Variants in GALC observed in about 807,000 individuals in gnomAD.
GALC encodes the protein galactocerebrosidase.
A neutral mutation model predicts 91.8 loss-of-function variants in GALC; 77 were observed. That is an observed-to-expected ratio of 0.84 (90% CI 0.70 to 1.01). GALC has a LOEUF of 1.01. Among genes scored for constraint, GALC ranks in the 50% least tolerant of loss-of-function variants. The probability of loss-of-function intolerance (pLI) is 0.00; values close to 1 mark genes in which losing one functional copy is unlikely to be tolerated. For synonymous variants in GALC, 357 were observed against 306.7 expected (o/e 1.16, Z -1.71); for missense variants, 882 against 855.9 (o/e 1.03, Z -0.38).
chr14:87,944,389 C>A (rs1198244235), intron 14 of GALC, among the ~76,000 whole-genome samples: 2 of 151,850 alleles, frequency 1.3e-5, no homozygotes, highest in Non-Finnish European at 2.9e-5. Flanking sequence ...AACTGGAGAT[C>A]AAAACAATGG....
At chr14:87,957,767 C>T (rs1885620301) in intron 10 of GALC, among the ~76,000 whole-genome samples, 2 of 151,954 alleles carry the variant, frequency 1.3e-5, no homozygotes, top group Non-Finnish European at 2.9e-5. Context: ...TTTAGAATAG[C>T]TACAAAAATA....
At chr14:87,936,305 T>C (rs1884564282) in intron 16 of GALC, among the ~76,000 whole-genome samples, 1 of 152,094 alleles carries the variant, frequency 6.6e-6, no homozygotes, top group Non-Finnish European at 1.5e-5. Context: ...TTTATAAACT[T>C]ATTTACAAGT....
At chr14:87,942,918 C>G (rs1432783368) in intron 14 of GALC, among the ~76,000 whole-genome samples, 1 of 151,968 alleles carries the variant, frequency 6.6e-6, no homozygotes, top group East Asian at 1.9e-4. Flanking sequence ...AGCATGAAAC[C>G]ACTGGCAATC....
intron 9 of GALC, among the ~76,000 whole-genome samples, chr14:87,964,615 CTAAT>C (rs1466772434): frequency 6.6e-6 from 1 of 152,046 alleles, no homozygotes; most frequent in Non-Finnish European, 1.5e-5. Flanking sequence ...TCCCTTGTGA[CTAAT>C]GAATGATACT....
chr14:87,978,412 G>A (rs1344362368), intron 6 of GALC, among the ~76,000 whole-genome samples: 2 of 152,122 alleles, frequency 1.3e-5, no homozygotes, highest in Non-Finnish European at 2.9e-5. Context: ...CACTACGGAT[G>A]GATCTAGTCT....
At chr14:87,982,312 C>T (rs893557942) in intron 5 of GALC, 69 bp from the exon 6 acceptor site, 24 of 1,010,208 alleles carry the variant, frequency 2.4e-5, no homozygotes, top group African/African-American at 9.5e-5. Flanking sequence ...ATTATCGTTA[C>T]GATACCATTT....
At chr14:87,952,810 T>A (rs1031353809) in intron 10 of GALC, 2 of 1,469,828 alleles carry the variant, frequency 1.4e-6, no homozygotes, top group Admixed American at 3.4e-5. Flanking sequence ...TCCCAGAAGA[T>A]TCACTCCTCT....
In GALC at chr14:87,937,038, T is replaced by C. The variant is rs564658263; in HGVS notation, c.1912-2160A>G. Among the ~76,000 whole-genome samples the C allele has an allele frequency of 1.2e-3, 179 of 151,626 alleles. 1 individual carries two copies. Among genetic ancestry groups the C allele is most frequent in the Non-Finnish European group, 2.3e-3 (154 of 67,868 alleles). On this transcript the variant is annotated intron_variant, in intron 16 of 16. Coordinates refer to ENST00000261304, the MANE Select transcript of GALC (RefSeq NM_000153.4). Reference sequence around the variant, plus strand: ...ATATAGTAGACTTCAAAGTCCATTGTGCTACCCACCATGCAACAGAACTGG... The same window carrying C: ...ATATAGTAGACTTCAAAGTCCATTGCGCTACCCACCATGCAACAGAACTGG...
At chr14:87,980,623 A>G (rs778218577) in intron 6 of GALC, 19 of 337,194 alleles carry the variant, frequency 5.6e-5, no homozygotes, top group Non-Finnish European at 7.5e-5. Flanking sequence ...GACTTCCCTA[A>G]TCAACCCAGG....
chr14:87,985,863 A>T (rs778788421), intron 4 of GALC, among the ~76,000 whole-genome samples: 2 of 152,200 alleles, frequency 1.3e-5, no homozygotes, highest in African/African-American at 2.4e-5. Context: ...CAACTAGCCA[A>T]TGATCCTCCC....
At chr14:87,956,083 G>C (rs2139975976) in intron 10 of GALC, among the ~76,000 whole-genome samples, 1 of 152,048 alleles carries the variant, frequency 6.6e-6, no homozygotes, top group East Asian at 1.9e-4. Context: ...TCAGTCTTTG[G>C]AACAATTTAA....
At position 87,941,242 on chromosome 14, in the gene GALC, A is replaced by G. The variant is rs77001562; in HGVS notation, c.1834+153T>C. 3.6e-4 allele frequency among the ~76,000 whole-genome samples: 54 copies of G among 152,112 alleles called. No individual in the cohort carries two copies. In the East Asian group the frequency reaches 9.7e-3, roughly 27 times the overall value. On this transcript the variant is annotated intron_variant, in intron 15 of 16. Coordinates refer to ENST00000261304, the MANE Select transcript of GALC (RefSeq NM_000153.4). The stretch of plus-strand genomic sequence containing the variant: ...GAATTAAATAACTTTCTATAATTGT[A>G]AACTATTTGGTATTTGCTTACATCC...
chr14:87,980,425 T>A (rs1041854715), intron 6 of GALC: 1 of 737,632 alleles, frequency 1.4e-6, no homozygotes, highest in African/African-American at 1.9e-5. Flanking sequence ...ATTAGCTTAC[T>A]GATGGGGGTC....
chr14:87,952,269 C>T (rs78140438), intron 10 of GALC, among the ~76,000 whole-genome samples: 17,173 of 151,808 alleles, frequency 0.11, 1,153 homozygotes, highest in Non-Finnish European at 0.16. Context: ...AAAACATACA[C>T]TTCAACAATA....
Position 87,974,797 on chromosome 14 carries a change from A to G in GALC, c.752+1561T>C, listed in dbSNP as rs1886429149. Reference sequence around the variant, plus strand: ...TTTGGTATTAAATGGCCACAGTGCAATAAAATTAGAAATTAATGATAAAAC... The same window carrying G: ...TTTGGTATTAAATGGCCACAGTGCAGTAAAATTAGAAATTAATGATAAAAC... On this transcript the variant is annotated intron_variant, in intron 7 of 16. Coordinates refer to ENST00000261304, the MANE Select transcript of GALC (RefSeq NM_000153.4). 2.0e-5 allele frequency among the ~76,000 whole-genome samples: 3 copies of G among 152,178 alleles called. No individual in the cohort carries two copies. The South Asian group carries it at 6.2e-4, about 32-fold the overall frequency.
chr14:87,953,146 A>G, intron 10 of GALC: 1 of 1,471,646 alleles, frequency 6.8e-7, no homozygotes, highest in Non-Finnish European at 9.5e-7. Flanking sequence ...ACAGTAGATA[A>G]GCCAAGGTCT....
In GALC at chr14:87,961,851, G is replaced by A. The variant is rs957475783; in HGVS notation, c.1161+1533C>T. ...GGATCTCTGCCTGAAGTACCCGATC[G>A]AGAGAAGACAATTAAACAAACAAAC... On this transcript the variant is annotated intron_variant, in intron 10 of 16. Transcript: ENST00000261304. Among the ~76,000 whole-genome samples the A allele has an allele frequency of 3.1e-4, 47 of 152,128 alleles. 1 individual carries two copies. Among genetic ancestry groups the A allele is most frequent in the East Asian group, 1.9e-4 (1 of 5,182 alleles).
At chr14:87,991,945 G>C (rs1887218020) in intron 1 of GALC, among the ~76,000 whole-genome samples, 1 of 152,194 alleles carries the variant, frequency 6.6e-6, no homozygotes, top group Non-Finnish European at 1.5e-5. Context: ...ACATAAAAAG[G>C]AGAATAGTAG....
intron 6 of GALC, among the ~76,000 whole-genome samples, chr14:87,977,593 G>A (rs917889613): frequency 6.6e-6 from 1 of 152,168 alleles, no homozygotes; most frequent in African/African-American, 2.4e-5. Context: ...CTTGATGAAT[G>A]GATACAAATA....
Sources: allele counts gnomAD v4.1 joint callset (sites outside exome capture counted in the v4.1 genomes callset), GRCh38; gene constraint gnomAD v4.1.1; transcripts MANE v1.5; gene names NCBI Gene and HGNC (gene_info 2026-07-23, HGNC 2026-07-21).